DPP10: variants seen among roughly 807,000 people sequenced by gnomAD.
DPP10 encodes the protein inactive dipeptidyl peptidase 10.
DPP10 carries 33 observed loss-of-function variants against 120.9 expected under a neutral mutation model. That is an observed-to-expected ratio of 0.27 (90% CI 0.21 to 0.37). DPP10 has a LOEUF of 0.37. Among genes scored for constraint, DPP10 ranks in the 10% least tolerant of loss-of-function variants. The pLI, the probability that DPP10 is intolerant of heterozygous loss-of-function variation, is 1.00. For synonymous variants in DPP10, 337 were observed against 326.1 expected, an observed-to-expected ratio of 1.03 and a Z score of -0.36; for missense variants, 816 against 942.8, an observed-to-expected ratio of 0.87 and a Z score of 1.76.
intron 3 of DPP10, among the ~76,000 whole-genome samples, chr2:115,423,435 C>A (rs2070164642): frequency 6.6e-6 from 1 of 152,016 alleles, no homozygotes; most frequent in South Asian, 2.1e-4. Context: ...AATGACAAAG[C>A]CATGTTTTAT....
intron 1 of DPP10, among the ~76,000 whole-genome samples, chr2:114,644,354 GTGTGTGTGTGTC>G (rs1251707936): frequency 2.0e-5 from 3 of 151,532 alleles, no homozygotes; most frequent in Admixed American, 2.0e-4. Flanking sequence ...GTGTGTGTGT[GTGTGTGTGTGTC>G]TGTGTGTGTG....
chr2:115,231,677 T>C (rs1410769909), intron 1 of DPP10, among the ~76,000 whole-genome samples: 1 of 152,182 alleles, frequency 6.6e-6, no homozygotes, highest in African/African-American at 2.4e-5. Flanking sequence ...ATTTTCTATA[T>C]GTCTGTTTGT....
At chr2:114,786,040 C>T (rs2106214732) in intron 1 of DPP10, among the ~76,000 whole-genome samples, 1 of 152,304 alleles carries the variant, frequency 6.6e-6, no homozygotes, top group Non-Finnish European at 1.5e-5. Flanking sequence ...TATGCCAATA[C>T]CTCGTGCCCA....
chr2:114,619,381 A>ATGTGTGTGTGTGTGTG (rs71998520), intron 1 of DPP10, among the ~76,000 whole-genome samples: 1 of 146,276 alleles, frequency 6.8e-6, no homozygotes, highest in African/African-American at 2.5e-5. Flanking sequence ...ATATATACAT[A>ATGTGTGTGTGTGTGTG]TGTGTGTGTG....
chr2:115,173,070 G>A (rs886757445), intron 1 of DPP10, among the ~76,000 whole-genome samples: 6 of 152,150 alleles, frequency 3.9e-5, no homozygotes, highest in Admixed American at 3.9e-4. Context: ...AACTGAATAT[G>A]CATTTACTTT....
At chr2:115,396,788 TC>T (rs759334620) in intron 3 of DPP10, among the ~76,000 whole-genome samples, 85 of 152,184 alleles carry the variant, frequency 5.6e-4, no homozygotes, top group Non-Finnish European at 1.0e-3. Context: ...TATCAGTTTT[TC>T]CCATCCTCAT....
intron 5 of DPP10, among the ~76,000 whole-genome samples, chr2:115,596,353 T>C (rs2149196854): frequency 6.6e-6 from 1 of 152,312 alleles, no homozygotes; most frequent in South Asian, 2.1e-4. Context: ...TGAAACTATG[T>C]GAGGTAAAAT....
At chr2:115,624,363 G>A (rs889396521) in intron 5 of DPP10, among the ~76,000 whole-genome samples, 1 of 152,004 alleles carries the variant, frequency 6.6e-6, no homozygotes, top group African/African-American at 2.4e-5. Context: ...GTATCGAAAT[G>A]TTATCATAAT....
intron 7 of DPP10, among the ~76,000 whole-genome samples, chr2:115,712,645 G>A (rs572443600): frequency 6.9e-6 from 1 of 144,826 alleles, no homozygotes; most frequent in South Asian, 2.2e-4. Context: ...ACTTTTTTCT[G>A]TAAAGAATCA....
At chr2:115,322,930 T>G (rs2062142271) in intron 2 of DPP10, among the ~76,000 whole-genome samples, 1 of 152,226 alleles carries the variant, frequency 6.6e-6, no homozygotes, top group African/African-American at 2.4e-5. Flanking sequence ...AATCTTTTTG[T>G]CAGTAGAGGG....
At chr2:115,607,828 A>G (rs1287656516) in intron 5 of DPP10, among the ~76,000 whole-genome samples, 1 of 152,196 alleles carries the variant, frequency 6.6e-6, no homozygotes, top group Non-Finnish European at 1.5e-5. Context: ...GGTGGAAACG[A>G]CATACATTAT....
intron 21 of DPP10, among the ~76,000 whole-genome samples, chr2:115,826,157 C>T (rs914640427): frequency 2.0e-5 from 3 of 152,146 alleles, no homozygotes; most frequent in Non-Finnish European, 4.4e-5. Context: ...GGTCAAGTAA[C>T]AACTCAGTTT....
At chr2:114,512,413 T>C (rs1378776582) in intron 1 of DPP10, among the ~76,000 whole-genome samples, 4 of 152,170 alleles carry the variant, frequency 2.6e-5, no homozygotes, top group Non-Finnish European at 5.9e-5. Context: ...TCTCACAAAC[T>C]TGGTGATATA....
chr2:114,740,913 A>G (rs567895294), intron 1 of DPP10, among the ~76,000 whole-genome samples: 7 of 152,330 alleles, frequency 4.6e-5, no homozygotes, highest in African/African-American at 1.4e-4. Flanking sequence ...AGTTTAGAGT[A>G]ATTTTGAATA....
intron 1 of DPP10, among the ~76,000 whole-genome samples, chr2:115,106,053 G>C (rs905068092): frequency 2.0e-5 from 3 of 152,178 alleles, no homozygotes; most frequent in African/African-American, 7.2e-5. Context: ...TACTACTGAA[G>C]ACATGAACAT....
At chr2:114,562,528 A>C (rs1408588977) in intron 1 of DPP10, among the ~76,000 whole-genome samples, 1 of 152,208 alleles carries the variant, frequency 6.6e-6, no homozygotes, top group Non-Finnish European at 1.5e-5. Flanking sequence ...GATGCAATTC[A>C]AGTACCAGAA....
intron 1 of DPP10, among the ~76,000 whole-genome samples, chr2:114,629,563 A>G (rs1384207982): frequency 6.6e-6 from 1 of 152,188 alleles, no homozygotes; most frequent in African/African-American, 2.4e-5. Context: ...GATAAATATA[A>G]TTTCAAACTA....
intron 9 of DPP10, among the ~76,000 whole-genome samples, chr2:115,740,736 T>A (rs1373079118): frequency 6.6e-6 from 1 of 152,156 alleles, no homozygotes; most frequent in Non-Finnish European, 1.5e-5. Flanking sequence ...CCATCTTTAA[T>A]TGCTCGAGAT....
At chr2:114,880,209 G>T (rs1305143411) in intron 1 of DPP10, among the ~76,000 whole-genome samples, 1 of 152,180 alleles carries the variant, frequency 6.6e-6, no homozygotes, top group Non-Finnish European at 1.5e-5. Context: ...AAGTTGAGAA[G>T]CTTAGCTTAC....
Sources: allele counts gnomAD v4.1 joint callset (sites outside exome capture counted in the v4.1 genomes callset), GRCh38; gene constraint gnomAD v4.1.1; transcripts MANE v1.5; gene names NCBI Gene and HGNC (gene_info 2026-07-23, HGNC 2026-07-21).